The following CSMD3 variants were observed in gnomAD, a reference collection of about 807,000 sequenced individuals.
The protein encoded by CSMD3 is CUB and sushi domain-containing protein 3.
Under a neutral mutation model 435.2 loss-of-function variants are expected in CSMD3, and 177 were observed. The observed-to-expected ratio is 0.41, with a 90% CI of 0.36 to 0.46. CSMD3 has a LOEUF of 0.46. Ranked by LOEUF, CSMD3 falls within the 20% of genes least tolerant of loss-of-function variation. The pLI is 0.34. For synonymous variants in CSMD3, 1,656 were observed against 1,520.5 expected, an observed-to-expected ratio of 1.09 and a Z score of -2.07; for missense variants, 4,265 against 4,504.6, an observed-to-expected ratio of 0.95 and a Z score of 1.52.
chr8:113,318,346 G>A (rs533056487), intron 1 of CSMD3, among the ~76,000 whole-genome samples: 2 of 152,234 alleles, frequency 1.3e-5, no homozygotes, highest in East Asian at 3.9e-4. Flanking sequence ...ACTTGATGCT[G>A]TGGAACACAT....
chr8:112,589,446 A>G (rs886403897), intron 22 of CSMD3, among the ~76,000 whole-genome samples: 1 of 152,188 alleles, frequency 6.6e-6, no homozygotes, highest in Admixed American at 6.6e-5. Flanking sequence ...TCTTTTCAGT[A>G]TCCGGTGGCT....
chr8:112,809,461 T>C (rs947014313), intron 12 of CSMD3, among the ~76,000 whole-genome samples: 5 of 152,180 alleles, frequency 3.3e-5, no homozygotes, highest in African/African-American at 9.6e-5. Context: ...GATAAGTAAT[T>C]TTGGCTCTGA....
intron 10 of CSMD3, among the ~76,000 whole-genome samples, chr8:112,906,219 G>A (rs1167351039): frequency 6.6e-6 from 1 of 151,062 alleles, no homozygotes; most frequent in Non-Finnish European, 1.5e-5. Flanking sequence ...TGCAAGTCTG[G>A]TAAAATCTCA....
At chr8:112,919,587 A>G (rs77824456) in intron 10 of CSMD3, among the ~76,000 whole-genome samples, 5,108 of 151,760 alleles carry the variant, frequency 0.034, 147 homozygotes, top group Middle Eastern at 0.051. Context: ...TTTCACATCC[A>G]TTTTTGCTAA....
At chr8:112,697,558 A>G (rs2076286273) in intron 13 of CSMD3, among the ~76,000 whole-genome samples, 1 of 151,194 alleles carries the variant, frequency 6.6e-6, no homozygotes, top group Non-Finnish European at 1.5e-5. Flanking sequence ...TGGACACAGG[A>G]AGGGGAACAT....
intron 32 of CSMD3, among the ~76,000 whole-genome samples, chr8:112,446,247 C>G (rs900581267): frequency 6.6e-6 from 1 of 152,178 alleles, no homozygotes; most frequent in Non-Finnish European, 1.5e-5. Flanking sequence ...CAGTGACAAA[C>G]TGTCTTACTT....
rs550098131 is a variant in CSMD3 at position 112,815,777 on chromosome 8, C to T, written c.1859+13909G>A. On this transcript the variant is annotated intron_variant, in intron 12 of 70. Transcript: ENST00000297405. ...AAATCATCAGTTTTTTAACATTAGA[C>T]ATATGTAGCAAAAATCACAATGAAA... 2.6e-5 allele frequency among the ~76,000 whole-genome samples: 4 copies of T among 152,146 alleles called. No homozygotes were observed. The South Asian group carries it at 6.2e-4, about 24-fold the overall frequency.
rs2085461518 is a variant in CSMD3 at position 112,991,683 on chromosome 8, A to C, written c.1031-15535T>G. 2.6e-5 allele frequency among the ~76,000 whole-genome samples: 4 copies of C among 151,850 alleles called. No individual in the cohort carries two copies. In the South Asian group the frequency reaches 8.3e-4, roughly 31 times the overall value. On this transcript the variant is annotated intron_variant, in intron 6 of 70. Coordinates refer to ENST00000297405, the MANE Select transcript of CSMD3 (RefSeq NM_198123.2). Reference sequence around the variant, plus strand: ...GTCAGTCAGTCAATAAAATAAACTGAAGTGTGTTGTGTAGAAAACAAAAGA... The same window carrying C: ...GTCAGTCAGTCAATAAAATAAACTGCAGTGTGTTGTGTAGAAAACAAAAGA...
intron 31 of CSMD3, among the ~76,000 whole-genome samples, chr8:112,477,710 T>C (rs182798898): frequency 2.4e-4 from 36 of 152,310 alleles, no homozygotes; most frequent in African/African-American, 6.5e-4. Flanking sequence ...CAGAAGCAGA[T>C]GGTGAAGCCA....
intron 52 of CSMD3, among the ~76,000 whole-genome samples, chr8:112,302,739 G>T (rs543109264): frequency 1.9e-3 from 293 of 151,924 alleles, no homozygotes; most frequent in Admixed American, 3.7e-3. Flanking sequence ...GTCAGGTAGA[G>T]AAATAGAAAA....
intron 9 of CSMD3, among the ~76,000 whole-genome samples, chr8:112,947,473 T>G (rs536622175): frequency 6.6e-6 from 1 of 151,722 alleles, no homozygotes; most frequent in East Asian, 1.9e-4. Context: ...TAGAGCAACT[T>G]ACCCAAGATC....
At chr8:112,598,982 C>T (rs1330870868) in intron 22 of CSMD3, among the ~76,000 whole-genome samples, 227 of 150,418 alleles carry the variant, frequency 1.5e-3, no homozygotes, top group African/African-American at 5.3e-3. Context: ...GTCCAAAACA[C>T]CAAAAGCAAT....
chr8:112,840,361 A>G lies in CSMD3; in HGVS notation c.1756-10572T>C, dbSNP rs1268823176. Reference sequence around the variant, plus strand: ...TTTCCATTTATTTGTGTCCTCTCCAATTTCTTTAATCAGTGCTTTATAGTT... The same window carrying G: ...TTTCCATTTATTTGTGTCCTCTCCAGTTTCTTTAATCAGTGCTTTATAGTT... On this transcript the variant is annotated intron_variant, in intron 11 of 70. Transcript: ENST00000297405. 5.3e-5 allele frequency among the ~76,000 whole-genome samples: 8 copies of G among 151,658 alleles called. No homozygotes were observed. The Admixed American group carries it at 5.3e-4, about 10-fold the overall frequency.
chr8:112,903,383 C>T (rs1174767137), intron 10 of CSMD3, among the ~76,000 whole-genome samples: 1 of 150,872 alleles, frequency 6.6e-6, no homozygotes, highest in Non-Finnish European at 1.5e-5. Flanking sequence ...TCCCTTGTTC[C>T]CTAAAACATT....
At chr8:112,883,022 G>T (rs2081490272) in intron 10 of CSMD3, among the ~76,000 whole-genome samples, 1 of 151,888 alleles carries the variant, frequency 6.6e-6, no homozygotes, top group Non-Finnish European at 1.5e-5. Context: ...AGCACACAGT[G>T]GGCCCACCTG....
chr8:112,629,770 G>A (rs1339376997), intron 22 of CSMD3, among the ~76,000 whole-genome samples: 1 of 152,176 alleles, frequency 6.6e-6, no homozygotes, highest in Non-Finnish European at 1.5e-5. Context: ...CAGACTTTAA[G>A]TTGAACCCCA....
At position 112,921,709 on chromosome 8, in the gene CSMD3, G is replaced by T. The variant is rs2130631765; in HGVS notation, c.1551C>A (p.Val517=). 6.2e-7 allele frequency: 1 copy of T among 1,610,372 alleles called. No individual in the cohort carries two copies. The highest frequency in any genetic ancestry group is 8.5e-7 in the Non-Finnish European group (1 of 1,176,906). ...TVQFSCDEDY[V]LQGAKSITCQ... ...AGGTGATGCTCTTTGCGCCCTGTAG[G>T]ACATAATCTTCATCACAAGAGAACT... Residue 517 remains valine, a synonymous_variant, in exon 10 of 71, where the codon GTC becomes GTA. Transcript: ENST00000297405.
intron 16 of CSMD3, among the ~76,000 whole-genome samples, chr8:112,674,735 T>C (rs1222012956): frequency 6.6e-6 from 1 of 152,142 alleles, no homozygotes; most frequent in Non-Finnish European, 1.5e-5. Context: ...AGCAAGCTCA[T>C]TGTATAAGCA....
intron 1 of CSMD3, among the ~76,000 whole-genome samples, chr8:113,374,427 A>C (rs992060639): frequency 6.6e-6 from 1 of 152,178 alleles, no homozygotes; most frequent in African/African-American, 2.4e-5. Context: ...AGCTTCCTTA[A>C]ATTTTTTCTA....
Sources: gnomAD v4.1 joint callset for allele counts (sites outside exome capture counted in the v4.1 genomes callset) on GRCh38, gnomAD v4.1.1 for gene constraint, MANE v1.5 for transcripts, NCBI Gene and HGNC (gene_info 2026-07-23, HGNC 2026-07-21) for gene names.